Variants in PKNOX2 observed in about 807,000 individuals in gnomAD.
PKNOX2 encodes the protein homeobox protein PKNOX2.
A neutral mutation model predicts 53.1 loss-of-function variants in PKNOX2; 14 were observed. That is an observed-to-expected ratio of 0.26 (90% CI 0.17 to 0.41). The LOEUF is 0.41. PKNOX2 is among the 10% of genes least tolerant of loss of function. The pLI is 1.00. For missense variants in PKNOX2, 496 were observed against 602.8 expected, an observed-to-expected ratio of 0.82 and a Z score of 1.85; for synonymous variants, 257 against 242.8, an observed-to-expected ratio of 1.06 and a Z score of -0.54.
chr11:125,267,050 T>A (rs1945408392), intron 2 of PKNOX2, among the ~76,000 whole-genome samples: 1 of 152,224 alleles, frequency 6.6e-6, no homozygotes, highest in Non-Finnish European at 1.5e-5. Context: ...AGGGGTTTTG[T>A]CCTTGCTATC....
At chr11:125,198,563 C>T (rs1323149970) in intron 1 of PKNOX2, among the ~76,000 whole-genome samples, 1 of 152,134 alleles carries the variant, frequency 6.6e-6, no homozygotes, top group African/African-American at 2.4e-5. Flanking sequence ...ATTTGGAAGA[C>T]AGGCTTTTCA....
intron 10 of PKNOX2, among the ~76,000 whole-genome samples, chr11:125,417,765 G>T (rs945341831): frequency 1.1e-4 from 17 of 152,046 alleles, no homozygotes; most frequent in African/African-American, 4.1e-4. Context: ...GTCCAGTCCC[G>T]GTCTTCAGAC....
intron 2 of PKNOX2, among the ~76,000 whole-genome samples, chr11:125,262,146 G>A (rs1159514538): frequency 6.6e-6 from 1 of 152,216 alleles, no homozygotes; most frequent in Non-Finnish European, 1.5e-5. Flanking sequence ...AGACGCCTTT[G>A]GTGTCAGATC....
Position 125,420,354 on chromosome 11 carries a change from C to T in PKNOX2, c.936+8489C>T, listed in dbSNP as rs376835308. On this transcript the variant is annotated intron_variant, in intron 10 of 12. Coordinates refer to ENST00000298282, the MANE Select transcript of PKNOX2 (RefSeq NM_001382323.2). ...CATCCTGGCTAACACGGTGAAACCC[C>T]ACTCTACTAAAAATACAAAAAATTA... 4.0e-4 allele frequency among the ~76,000 whole-genome samples: 60 copies of T among 151,504 alleles called. No homozygotes were observed. The South Asian group carries it at 6.9e-3, about 17-fold the overall frequency.
At chr11:125,198,711 G>A (rs1277965055) in intron 1 of PKNOX2, among the ~76,000 whole-genome samples, 11 of 151,402 alleles carry the variant, frequency 7.3e-5, no homozygotes, top group Admixed American at 6.6e-4. Context: ...CCTCAGACAC[G>A]GATGCCCTCC....
rs998508246 is a variant in PKNOX2 at position 125,313,846 on chromosome 11, TACAG to T, written c.-129-17967_-129-17964del. On this transcript the variant is annotated intron_variant, in intron 2 of 12. Coordinates refer to ENST00000298282, the MANE Select transcript of PKNOX2 (RefSeq NM_001382323.2). ...ACATGGTGTCCATGGTATTGGAAAA[TACAG>T]ACAGAGAGCATTTCCATCACCACAG... Among the ~76,000 whole-genome samples, 43 of 152,230 alleles carry T rather than the reference TACAG, an allele frequency of 2.8e-4. 1 individual carries two copies. The highest frequency in any genetic ancestry group is 9.6e-4 in the African/African-American group (40 of 41,526).
chr11:125,270,589 G>A (rs1373251541), intron 2 of PKNOX2, among the ~76,000 whole-genome samples: 12 of 152,136 alleles, frequency 7.9e-5, no homozygotes, highest in Admixed American at 7.2e-4. Context: ...TTCTTTCATG[G>A]GGTGGAGAAT....
At chr11:125,249,298 A>T (rs1349790429) in intron 2 of PKNOX2, among the ~76,000 whole-genome samples, 1 of 152,058 alleles carries the variant, frequency 6.6e-6, no homozygotes. Flanking sequence ...TTAAAATTTG[A>T]CTTTGATTTG....
intron 7 of PKNOX2, among the ~76,000 whole-genome samples, chr11:125,398,426 C>T (rs1006441104): frequency 3.3e-5 from 5 of 152,200 alleles, no homozygotes; most frequent in South Asian, 2.1e-4. Flanking sequence ...TAAGAGGCTG[C>T]GGCTTGCTGA....
chr11:125,189,246 G>A (rs1255549169), intron 1 of PKNOX2, among the ~76,000 whole-genome samples: 1 of 150,714 alleles, frequency 6.6e-6, no homozygotes, highest in African/African-American at 2.4e-5. Context: ...CCACATTTAT[G>A]TTTTCAGCCC....
At chr11:125,395,364 T>C (rs1954315747) in intron 6 of PKNOX2, among the ~76,000 whole-genome samples, 1 of 152,240 alleles carries the variant, frequency 6.6e-6, no homozygotes, top group Admixed American at 6.5e-5. Context: ...CTATTAGAAG[T>C]AAAGCTGCTT....
rs11824055 is a variant in PKNOX2, at chr11:125,175,158, G to T, written c.-201+10382G>T. Among the ~76,000 whole-genome samples, 28 of 151,782 alleles carry T rather than the reference G, an allele frequency of 1.8e-4. No homozygotes were observed. In the South Asian group the frequency reaches 5.8e-3, roughly 32 times the overall value. ...GGGGGAGCCTCTTTCCAAGCTGGAC[G>T]TCTGGTCTCCTGGAATACTTTTCAA... is the stretch of plus-strand genomic sequence containing the variant. On this transcript the variant is annotated intron_variant, in intron 1 of 12. Transcript: ENST00000298282.
At chr11:125,385,031 C>A (rs1220378981) in intron 5 of PKNOX2, among the ~76,000 whole-genome samples, 1 of 152,120 alleles carries the variant, frequency 6.6e-6, no homozygotes, top group Non-Finnish European at 1.5e-5. Context: ...ATCTGCCCAC[C>A]ACGTGTGGAT....
intron 5 of PKNOX2, among the ~76,000 whole-genome samples, chr11:125,371,743 G>A (rs556312049): frequency 2.0e-4 from 30 of 152,126 alleles, no homozygotes; most frequent in Middle Eastern, 3.2e-3. Flanking sequence ...CCAGGGACGC[G>A]GAGGTGCTAA....
chr11:125,196,167 C>A (rs983488902), intron 1 of PKNOX2, among the ~76,000 whole-genome samples: 3 of 152,144 alleles, frequency 2.0e-5, no homozygotes, highest in African/African-American at 7.2e-5. Context: ...GGTGGGATTT[C>A]CTCTTGGATC....
At chr11:125,398,529 T>C (rs1352821046) in intron 7 of PKNOX2, among the ~76,000 whole-genome samples, 1 of 152,200 alleles carries the variant, frequency 6.6e-6, no homozygotes, top group Non-Finnish European at 1.5e-5. Flanking sequence ...CCCATGGGCC[T>C]GCTGCTCCCT....
At chr11:125,341,922 C>T (rs1950709152) in intron 3 of PKNOX2, among the ~76,000 whole-genome samples, 1 of 152,344 alleles carries the variant, frequency 6.6e-6, no homozygotes, top group Non-Finnish European at 1.5e-5. Context: ...ACCCGCCCTC[C>T]TTCCAAGGGG....
intron 1 of PKNOX2, among the ~76,000 whole-genome samples, chr11:125,176,379 G>T (rs1010755368): frequency 6.6e-6 from 1 of 152,232 alleles, no homozygotes; most frequent in Non-Finnish European, 1.5e-5. Context: ...GGATATGACC[G>T]TGAACTAGAC....
chr11:125,267,081 G>T (rs529311989), intron 2 of PKNOX2, among the ~76,000 whole-genome samples: 1 of 152,222 alleles, frequency 6.6e-6, no homozygotes, highest in Non-Finnish European at 1.5e-5. Flanking sequence ...TCCGTCACCA[G>T]CCAAAGCACG....
Sources: gnomAD v4.1 joint callset for allele counts (sites outside exome capture counted in the v4.1 genomes callset) on GRCh38, gnomAD v4.1.1 for gene constraint, MANE v1.5 for transcripts, NCBI Gene and HGNC (gene_info 2026-07-23, HGNC 2026-07-21) for gene names.